MCF2L2: variants seen among roughly 807,000 people sequenced by gnomAD.
MCF2L2 encodes probable guanine nucleotide exchange factor MCF2L2.
MCF2L2 carries 102 observed loss-of-function variants against 150.2 expected under a neutral mutation model. The observed-to-expected ratio is 0.68, with a 90% CI of 0.58 to 0.80. The LOEUF is 0.80. Among genes scored for constraint, MCF2L2 ranks in the 30% least tolerant of loss-of-function variants. The probability of loss-of-function intolerance (pLI) is 0.00; values close to 1 mark genes in which losing one functional copy is unlikely to be tolerated. For missense variants in MCF2L2, 1,256 were observed against 1,372.8 expected (o/e 0.91, Z 1.34); for synonymous variants, 465 against 491.3 (o/e 0.95, Z 0.71).
intron 3 of MCF2L2, chr3:183,373,319 T>C (rs1240472181): frequency 1.3e-5 from 2 of 152,234 alleles, no homozygotes; most frequent in Non-Finnish European, 2.9e-5. Flanking sequence ...AGGTTTGTAA[T>C]TCAATAGTTC....
chr3:183,356,601 T>C (rs1711801525), intron 3 of MCF2L2, among the ~76,000 whole-genome samples: 2 of 152,192 alleles, frequency 1.3e-5, no homozygotes, highest in South Asian at 2.1e-4. Context: ...CCACTCACTG[T>C]TGCAGAGTCT....
At chr3:183,250,712 C>CG (rs1427387695) in intron 15 of MCF2L2, among the ~76,000 whole-genome samples, 1 of 151,922 alleles carries the variant, frequency 6.6e-6, no homozygotes, top group Non-Finnish European at 1.5e-5. Flanking sequence ...GGGAGGTGGC[C>CG]GGGGGGCAGA....
At chr3:183,212,894 A>G (rs1326342910) in intron 22 of MCF2L2, among the ~76,000 whole-genome samples, 2 of 130,970 alleles carry the variant, frequency 1.5e-5, no homozygotes, top group Admixed American at 2.0e-4. Flanking sequence ...TTGGTGCCTT[A>G]CCCATCATTT....
intron 27 of MCF2L2, among the ~76,000 whole-genome samples, chr3:183,182,265 A>T (rs1260508258): frequency 6.6e-6 from 1 of 152,066 alleles, no homozygotes; most frequent in Non-Finnish European, 1.5e-5. Flanking sequence ...GGCCCTGACA[A>T]CGCAGAGAAA....
intron 1 of MCF2L2, among the ~76,000 whole-genome samples, chr3:183,395,917 C>CAAAAAAAAAAAAAAAAAA (rs11338932): frequency 5.2e-5 from 3 of 58,082 alleles, no homozygotes; most frequent in African/African-American, 7.1e-5. Context: ...GACATCGTCT[C>CAAAAAAAAAAAAAAAAAA]AAAAAAAAAA....
chr3:183,409,556 T>TC (rs200310588), intron 1 of MCF2L2, among the ~76,000 whole-genome samples: 50 of 149,216 alleles, frequency 3.4e-4, no homozygotes, highest in Middle Eastern at 3.5e-3. Flanking sequence ...AATTTCTTTT[T>TC]TTTTTTTTTT....
intron 2 of MCF2L2, among the ~76,000 whole-genome samples, chr3:183,382,051 T>TTTATTA (rs3050286): frequency 0.013 from 1,931 of 148,392 alleles, 17 homozygotes; most frequent in Admixed American, 0.017. Context: ...AATTTCACCT[T>TTTATTA]TTATTATTAT....
At chr3:183,288,999 G>T in intron 14 of MCF2L2, 121 bp downstream of exon 14, 2 of 669,006 alleles carry the variant, frequency 3.0e-6, no homozygotes, top group Non-Finnish European at 5.2e-6. Context: ...GAAAGCATTA[G>T]TCTGTGCTAT....
chr3:183,304,286 T>C (rs1577047431), intron 10 of MCF2L2, among the ~76,000 whole-genome samples: 3 of 152,266 alleles, frequency 2.0e-5, no homozygotes, highest in East Asian at 3.9e-4. Flanking sequence ...TACAAATAAA[T>C]GCTGCACAAA....
intron 3 of MCF2L2, among the ~76,000 whole-genome samples, chr3:183,357,672 C>T (rs1711869622): frequency 6.6e-6 from 1 of 152,130 alleles, no homozygotes; most frequent in Non-Finnish European, 1.5e-5. Flanking sequence ...CATGCACACC[C>T]TGACTCCCCT....
intron 10 of MCF2L2, among the ~76,000 whole-genome samples, chr3:183,303,871 C>T (rs755022860): frequency 3.9e-5 from 6 of 152,176 alleles, no homozygotes; most frequent in Non-Finnish European, 5.9e-5. Context: ...GCAATGCACA[C>T]GGGGAATTTC....
At chr3:183,400,512 C>T (rs1190581904) in intron 1 of MCF2L2, 2 of 455,926 alleles carry the variant, frequency 4.4e-6, no homozygotes, top group Non-Finnish European at 8.8e-6. Context: ...GGAAACGGCG[C>T]CACCTCGCTC....
chr3:183,256,341 G>A (rs964348629), intron 15 of MCF2L2, among the ~76,000 whole-genome samples: 10 of 152,118 alleles, frequency 6.6e-5, no homozygotes, highest in Admixed American at 2.0e-4. Context: ...CTTTCCTTAC[G>A]GTATGCAATA....
At chr3:183,233,858 T>C (rs898450003) in intron 15 of MCF2L2, among the ~76,000 whole-genome samples, 2 of 152,208 alleles carry the variant, frequency 1.3e-5, no homozygotes, top group African/African-American at 4.8e-5. Flanking sequence ...TTGATAGATA[T>C]AAATAAATAA....
At chr3:183,249,007 T>C (rs1487280913) in intron 15 of MCF2L2, among the ~76,000 whole-genome samples, 1 of 152,214 alleles carries the variant, frequency 6.6e-6, no homozygotes, top group Non-Finnish European at 1.5e-5. Context: ...ATTGTCTTCC[T>C]TCCCCCTGTA....
intron 11 of MCF2L2, chr3:183,298,654 A>C (rs1390270288): frequency 6.6e-6 from 1 of 152,012 alleles, no homozygotes; most frequent in Non-Finnish European, 1.5e-5. Context: ...TTCTCTTTAC[A>C]CATCATGCCC....
intron 5 of MCF2L2, 91 bp from the exon 6 acceptor site, chr3:183,323,442 T>A (rs1729898240): frequency 2.0e-6 from 1 of 490,406 alleles, no homozygotes; most frequent in African/African-American, 2.0e-5. Context: ...TTATATTTTA[T>A]ATTCTATTAT....
At chr3:183,246,351 C>T (rs1724254873) in intron 15 of MCF2L2, among the ~76,000 whole-genome samples, 1 of 152,154 alleles carries the variant, frequency 6.6e-6, no homozygotes, top group East Asian at 1.9e-4. Flanking sequence ...CCTCATTCTC[C>T]ACCTCCCCAC....
intron 1 of MCF2L2, chr3:183,400,525 T>C (rs1714698692): frequency 2.2e-6 from 1 of 455,226 alleles, no homozygotes; most frequent in African/African-American, 2.0e-5. Context: ...CCTCGCTCGC[T>C]CTCCATTTCT....
Sources: gnomAD v4.1 joint callset for allele counts (sites outside exome capture counted in the v4.1 genomes callset) on GRCh38, gnomAD v4.1.1 for gene constraint, MANE v1.5 for transcripts, NCBI Gene and HGNC (gene_info 2026-07-23, HGNC 2026-07-21) for gene names.